Variants in CRYBA4 observed in about 807,000 individuals in gnomAD.
The protein encoded by CRYBA4 is beta-crystallin A4.
CRYBA4 carries 30 observed loss-of-function variants against 31.7 expected under a neutral mutation model. The ratio of observed to expected loss-of-function variants is 0.95; its 90% CI spans 0.71 to 1.28. The LOEUF is 1.28. Among genes scored for constraint, CRYBA4 ranks in the 50% most tolerant of loss-of-function variants. The pLI is 0.00. For synonymous variants in CRYBA4, 102 were observed against 102.3 expected (o/e 1.00, Z 0.02); for missense variants, 225 against 260.7 (o/e 0.86, Z 0.94).
At chr22:26,602,628 A>G in the CRYBA4 span, among the ~76,000 whole-genome samples, 1 of 151,968 alleles carries the variant, frequency 6.6e-6, no homozygotes, top group Non-Finnish European at 1.5e-5. Context: ...TAAAATTATG[A>G]TCAGGGACAA....
chr22:26,626,422 AAAAC>A (rs990863938), intron 4 of CRYBA4, among the ~76,000 whole-genome samples: 2 of 152,198 alleles, frequency 1.3e-5, no homozygotes, highest in African/African-American at 4.8e-5. Context: ...ACAAAACAAA[AAAAC>A]AAAAACAAAC....
chr22:26,599,305 A>C, the CRYBA4 span: 1 of 607,294 alleles, frequency 1.6e-6, no homozygotes, highest in Admixed American at 3.0e-5. Flanking sequence ...TGCTTTTATT[A>C]TCGTTGTAAT....
chr22:26,607,180 G>A, the CRYBA4 span, among the ~76,000 whole-genome samples: 4 of 151,790 alleles, frequency 2.6e-5, no homozygotes, highest in East Asian at 1.9e-4. Flanking sequence ...GCGCCACCAC[G>A]CCCGGCTAAT....
chr22:26,624,602 G>T (rs1281896956), intron 3 of CRYBA4, among the ~76,000 whole-genome samples: 2 of 152,214 alleles, frequency 1.3e-5, no homozygotes, highest in Non-Finnish European at 2.9e-5. Context: ...ATTTGTGCAG[G>T]TGGGGAATGG....
the CRYBA4 span, among the ~76,000 whole-genome samples, chr22:26,599,969 G>T: frequency 6.6e-6 from 1 of 152,228 alleles, no homozygotes; most frequent in African/African-American, 2.4e-5. Context: ...TGTTGCCTGT[G>T]CATGGTAGGA....
the CRYBA4 span, among the ~76,000 whole-genome samples, chr22:26,594,461 C>A: frequency 4.7e-3 from 712 of 152,306 alleles, 3 homozygotes; most frequent in African/African-American, 0.017. Context: ...ATGAGAGCCG[C>A]TCTCTCATAA....
chr22:26,592,319 C>A, the CRYBA4 span, among the ~76,000 whole-genome samples: 1 of 152,218 alleles, frequency 6.6e-6, no homozygotes, highest in African/African-American at 2.4e-5. Context: ...GGCACAGATT[C>A]AGCAGCTAAC....
upstream of CRYBA4, chr22:26,621,958 GA>G: frequency 1.0e-6 from 1 of 985,818 alleles, no homozygotes; most frequent in Non-Finnish European, 1.2e-6. Flanking sequence ...GCTGGTCTCA[GA>G]TCTGACATGT....
At chr22:26,629,854 G>T (rs922738016) in intron 5 of CRYBA4, among the ~76,000 whole-genome samples, 1 of 151,328 alleles carries the variant, frequency 6.6e-6, no homozygotes, top group African/African-American at 2.4e-5. Context: ...TCCTTCACTT[G>T]TTCACTTATT....
At chr22:26,619,014 C>G (rs191071842), upstream of CRYBA4, among the ~76,000 whole-genome samples, 1 of 152,168 alleles carries the variant, frequency 6.6e-6, no homozygotes, top group African/African-American at 2.4e-5. Flanking sequence ...CCCCAGATGC[C>G]CACCACATCT....
the CRYBA4 span, among the ~76,000 whole-genome samples, chr22:26,593,061 CTG>C: frequency 1.3e-5 from 2 of 152,268 alleles, no homozygotes; most frequent in Non-Finnish European, 2.9e-5. Context: ...AGACACCAGA[CTG>C]TGCAGCCCAG....
At chr22:26,626,189 G>T (rs899102069) in intron 4 of CRYBA4, among the ~76,000 whole-genome samples, 6 of 152,080 alleles carry the variant, frequency 3.9e-5, no homozygotes, top group Non-Finnish European at 5.9e-5. Context: ...ATCACTTGAG[G>T]CCAGGAGTTC....
At chr22:26,607,560 G>GAAAA in the CRYBA4 span, among the ~76,000 whole-genome samples, 16 of 116,304 alleles carry the variant, frequency 1.4e-4, no homozygotes, top group South Asian at 2.8e-4. Context: ...CCATCTTTGG[G>GAAAA]AAAAAAAAAA....
the CRYBA4 span, chr22:26,599,370 A>C: frequency 1.1e-6 from 1 of 923,156 alleles, no homozygotes; most frequent in East Asian, 2.4e-5. Context: ...CAAGGCACAC[A>C]TCTGTTTACA....
chr22:26,612,234 A>T, the CRYBA4 span: 3 of 1,344,520 alleles, frequency 2.2e-6, no homozygotes, highest in East Asian at 4.6e-5. Flanking sequence ...GTGAGGGGGG[A>T]GTCAAAAATT....
chr22:26,612,097 G>GCACA, the CRYBA4 span: 6 of 1,613,306 alleles, frequency 3.7e-6, no homozygotes, highest in Non-Finnish European at 4.2e-6. Flanking sequence ...ATGATGCTGC[G>GCACA]CACACGGTCG....
At chr22:26,621,630 G>A (rs35720221), upstream of CRYBA4, among the ~76,000 whole-genome samples, 56 of 152,228 alleles carry the variant, frequency 3.7e-4, no homozygotes, top group Non-Finnish European at 6.8e-4. Flanking sequence ...GGCAGAAATT[G>A]AGGGGAAATG....
At chr22:26,606,011 A>C in the CRYBA4 span, among the ~76,000 whole-genome samples, 1 of 151,958 alleles carries the variant, frequency 6.6e-6, no homozygotes, top group Admixed American at 6.6e-5. Context: ...ACATTATGAG[A>C]TTTTTTTTGC....
the CRYBA4 span, chr22:26,616,035 G>A: frequency 1.0e-5 from 9 of 889,610 alleles, no homozygotes; most frequent in South Asian, 6.7e-5. Context: ...AAAGAGGTGC[G>A]GAGGAGTAAG....
Sources: allele counts gnomAD v4.1 joint callset (sites outside exome capture counted in the v4.1 genomes callset), GRCh38; gene constraint gnomAD v4.1.1; transcripts MANE v1.5; gene names NCBI Gene and HGNC (gene_info 2026-07-23, HGNC 2026-07-21).